The following PLEKHA5 variants were observed in gnomAD, a reference collection of about 807,000 sequenced individuals.
The protein encoded by PLEKHA5 is pleckstrin homology domain-containing family A member 5.
Under a neutral mutation model 181.9 loss-of-function variants are expected in PLEKHA5, and 55 were observed. The ratio of observed to expected loss-of-function variants is 0.30; its 90% CI spans 0.24 to 0.38. The LOEUF is 0.38. PLEKHA5 is among the 10% of genes least tolerant of loss of function. The probability of loss-of-function intolerance (pLI) is 1.00; values close to 1 mark genes in which losing one functional copy is unlikely to be tolerated. For synonymous variants in PLEKHA5, 535 were observed against 529.4 expected (o/e 1.01, Z -0.15); for missense variants, 1,432 against 1,549.5 (o/e 0.92, Z 1.27).
At chr12:19,372,972 T>C (rs1382478516) in intron 31 of PLEKHA5, 1 of 152,162 alleles carries the variant, frequency 6.6e-6, no homozygotes, top group Non-Finnish European at 1.5e-5. Flanking sequence ...TTCACCGTGT[T>C]GCCCAGGCTG....
chr12:19,308,870 A>G (rs1442596623), intron 15 of PLEKHA5, among the ~76,000 whole-genome samples: 2 of 137,610 alleles, frequency 1.5e-5, no homozygotes, highest in East Asian at 5.5e-4. Flanking sequence ...TAACATGGCG[A>G]AACCTTGTCT....
chr12:19,300,594 C>T (rs2081204017), intron 15 of PLEKHA5, among the ~76,000 whole-genome samples: 1 of 152,102 alleles, frequency 6.6e-6, no homozygotes, highest in South Asian at 2.1e-4. Context: ...CAAAGATAAG[C>T]CATGATGCTA....
At chr12:19,196,557 C>G (rs2052793309) in intron 3 of PLEKHA5, among the ~76,000 whole-genome samples, 2 of 152,186 alleles carry the variant, frequency 1.3e-5, no homozygotes, top group Non-Finnish European at 2.9e-5. Flanking sequence ...AAGAGGGACA[C>G]TGGCAAAGTA....
At position 19,254,158 on chromosome 12, in the gene PLEKHA5, T is replaced by A; in HGVS notation, c.311+135T>A. 4.5e-6 allele frequency: 3 copies of A among 662,992 alleles called. No individual in the cohort carries two copies. The South Asian group carries it at 5.7e-5, about 13-fold the overall frequency. The allele number at this position is 662,992 out of a possible 1,614,324, so 41.1% of individuals were successfully genotyped here. ...AGTATAATAACAGAATGCCAGCTGTTCACAATGTGTCATATAGAAACCTGA... is the reference window on the plus strand; with the variant it reads ...AGTATAATAACAGAATGCCAGCTGTACACAATGTGTCATATAGAAACCTGA... On this transcript the variant is annotated intron_variant, in intron 4 of 31. Transcript: ENST00000429027.
At chr12:19,309,997 GAA>G (rs1025044763) in intron 15 of PLEKHA5, among the ~76,000 whole-genome samples, 3 of 151,990 alleles carry the variant, frequency 2.0e-5, no homozygotes, top group Non-Finnish European at 2.9e-5. Flanking sequence ...AACTTAAAAA[GAA>G]AAGAAAATTG....
intron 7 of PLEKHA5, among the ~76,000 whole-genome samples, chr12:19,261,789 G>A (rs1271462692): frequency 6.6e-6 from 1 of 152,186 alleles, no homozygotes; most frequent in Non-Finnish European, 1.5e-5. Context: ...AGATATAACA[G>A]AGTTTTAGAA....
intron 15 of PLEKHA5, chr12:19,307,063 T>A: frequency 7.3e-7 from 1 of 1,366,102 alleles, no homozygotes; most frequent in Non-Finnish European, 1.0e-6. Flanking sequence ...AAACTTGAAC[T>A]CAATCTGTTG....
intron 3 of PLEKHA5, among the ~76,000 whole-genome samples, chr12:19,159,242 T>C (rs1477439856): frequency 6.6e-6 from 1 of 152,216 alleles, no homozygotes; most frequent in East Asian, 1.9e-4. Flanking sequence ...CAAACAGCTG[T>C]GCATTCCATT....
At chr12:19,305,902 C>T (rs2083316689) in intron 15 of PLEKHA5, among the ~76,000 whole-genome samples, 2 of 125,828 alleles carry the variant, frequency 1.6e-5, no homozygotes, top group Admixed American at 8.6e-5. Flanking sequence ...GAAGACTGGG[C>T]GCGGTGGCTC....
chr12:19,141,442 G>A (rs1388721787), intron 3 of PLEKHA5, among the ~76,000 whole-genome samples: 3 of 152,170 alleles, frequency 2.0e-5, no homozygotes, highest in African/African-American at 4.8e-5. Context: ...AGAGAGGAAG[G>A]CCCAGTTCAT....
chr12:19,240,641 A>AT (rs1413434223), intron 3 of PLEKHA5, among the ~76,000 whole-genome samples: 8 of 149,260 alleles, frequency 5.4e-5, no homozygotes, highest in South Asian at 2.1e-4. Flanking sequence ...TATTATTATT[A>AT]TTATTTTTTT....
At chr12:19,229,522 T>C (rs968922799) in intron 3 of PLEKHA5, among the ~76,000 whole-genome samples, 1 of 151,424 alleles carries the variant, frequency 6.6e-6, no homozygotes, top group African/African-American at 2.4e-5. Context: ...CTGTCTAGAG[T>C]TGTTCATTCC....
At chr12:19,177,440 T>C (rs1168039673) in intron 3 of PLEKHA5, among the ~76,000 whole-genome samples, 1 of 152,146 alleles carries the variant, frequency 6.6e-6, no homozygotes, top group Non-Finnish European at 1.5e-5. Flanking sequence ...TGATATTTCA[T>C]TTGATAGATA....
intron 3 of PLEKHA5, among the ~76,000 whole-genome samples, chr12:19,230,143 C>G (rs1055646141): frequency 6.6e-6 from 1 of 151,962 alleles, no homozygotes; most frequent in African/African-American, 2.4e-5. Context: ...TAAGGGTTCT[C>G]CAGGTCCCCA....
At chr12:19,291,169 A>G (rs1272203415) in intron 14 of PLEKHA5, among the ~76,000 whole-genome samples, 1 of 152,228 alleles carries the variant, frequency 6.6e-6, no homozygotes, top group Non-Finnish European at 1.5e-5. Context: ...CAATAAAACA[A>G]TAAATTAAAA....
chr12:19,205,367 A>G, intron 3 of PLEKHA5: 1 of 984,922 alleles, frequency 1.0e-6, no homozygotes, highest in Non-Finnish European at 1.2e-6. Flanking sequence ...TTCTGTCAGG[A>G]AGCATGTAAT....
chr12:19,206,474 T>C (rs1429406428), intron 3 of PLEKHA5, among the ~76,000 whole-genome samples: 1 of 152,112 alleles, frequency 6.6e-6, no homozygotes, highest in Non-Finnish European at 1.5e-5. Context: ...AAAATTACCA[T>C]ATTTATTTCC....
chr12:19,334,680 C>T (rs2093180593), intron 20 of PLEKHA5, among the ~76,000 whole-genome samples: 2 of 150,614 alleles, frequency 1.3e-5, no homozygotes, highest in Admixed American at 1.3e-4. Context: ...CATATTTATT[C>T]ATGTAAAAAG....
intron 21 of PLEKHA5, among the ~76,000 whole-genome samples, chr12:19,342,092 A>T (rs1370830908): frequency 1.3e-5 from 2 of 152,158 alleles, no homozygotes; most frequent in Admixed American, 6.6e-5. Flanking sequence ...TACTGATTAT[A>T]TTCTAATATC....
Sources: allele counts gnomAD v4.1 joint callset (sites outside exome capture counted in the v4.1 genomes callset), GRCh38; gene constraint gnomAD v4.1.1; transcripts MANE v1.5; gene names NCBI Gene and HGNC (gene_info 2026-07-23, HGNC 2026-07-21).